The following SUN1 variants were observed in gnomAD, a reference collection of about 807,000 sequenced individuals.
SUN1 encodes the protein Sad1 and UNC84 domain containing 1.
SUN1 carries 61 observed loss-of-function variants against 103.2 expected under a neutral mutation model. The observed-to-expected ratio is 0.59, with a 90% CI of 0.48 to 0.73. The LOEUF is 0.73. Ranked by LOEUF, SUN1 falls within the 30% of genes least tolerant of loss-of-function variation. The probability of loss-of-function intolerance (pLI) is 0.00; values close to 1 mark genes in which losing one functional copy is unlikely to be tolerated. For synonymous variants in SUN1, 490 were observed against 425.7 expected (o/e 1.15, Z -1.86); for missense variants, 1,052 against 1,034.6 (o/e 1.02, Z -0.23).
chr7:861,370 G>T lies in SUN1; in HGVS notation c.1780-10G>T. Reference sequence around the variant, plus strand: ...TGGTGTTTGGTCTTCCGTCCCTCGTGTCTGTCCAGCAAGCACGTGCCATCG... The same window carrying T: ...TGGTGTTTGGTCTTCCGTCCCTCGTTTCTGTCCAGCAAGCACGTGCCATCG... On this transcript the variant is annotated splice_polypyrimidine_tract_variant and intron_variant, in intron 14 of 18. Coordinates refer to ENST00000401592, the MANE Select transcript of SUN1 (RefSeq NM_001130965.3). 1.9e-6 allele frequency: 3 copies of T among 1,614,154 alleles called. No homozygotes were observed. Among genetic ancestry groups the T allele is most frequent in the East Asian group, 2.2e-5 (1 of 44,892 alleles).
intron 15 of SUN1, among the ~76,000 whole-genome samples, chr7:864,718 T>C (rs1345400420): frequency 3.6e-5 from 1 of 28,030 alleles, no homozygotes; most frequent in African/African-American, 1.1e-4. Context: ...AACCTCTGCC[T>C]CCCGGCTTCA....
At chr7:816,741 G>A (rs1249473228) in intron 1 of SUN1, 4 of 147,226 alleles carry the variant, frequency 2.7e-5, no homozygotes, top group Admixed American at 2.7e-4. Context: ...ACGCGAGGCG[G>A]GGGCCCGGGG....
rs1822599562 is a variant in SUN1, at chr7:851,934, G to A, written c.758-16G>A. ...TAAAAACATTTCCTTAGAATGTTTG[G>A]TGTTTTCTCTTGTAGGGAAGGCAGC... On this transcript the variant is annotated splice_polypyrimidine_tract_variant and intron_variant, in intron 6 of 18. Coordinates refer to ENST00000401592, the MANE Select transcript of SUN1 (RefSeq NM_001130965.3). 6.2e-7 allele frequency: 1 copy of A among 1,612,414 alleles called. No individual in the cohort carries two copies. The highest frequency in any genetic ancestry group is 1.3e-5 in the African/African-American group (1 of 74,838).
intron 1 of SUN1, among the ~76,000 whole-genome samples, chr7:835,874 A>G (rs780846948): frequency 6.6e-6 from 1 of 152,352 alleles, no homozygotes; most frequent in Non-Finnish European, 1.5e-5. Context: ...GGCTGGAGAC[A>G]TGAGGGTCCC....
At chr7:835,858 CA>C (rs747680352) in intron 1 of SUN1, among the ~76,000 whole-genome samples, 40 of 152,310 alleles carry the variant, frequency 2.6e-4, no homozygotes, top group Non-Finnish European at 3.5e-4. Context: ...TGCTCAGATC[CA>C]GGGGGGCTGG....
intron 15 of SUN1, among the ~76,000 whole-genome samples, chr7:864,785 C>T (rs377356595): frequency 2.0e-4 from 31 of 152,162 alleles, no homozygotes; most frequent in East Asian, 9.7e-4. Flanking sequence ...CGCGTCACCA[C>T]GCCCGGCTAA....
In SUN1 at chr7:852,616, C is replaced by A; in HGVS notation, c.859C>A (p.Arg287=). Residue 287 remains arginine, a synonymous_variant, in exon 8 of 19, where the codon CGA becomes AGA. Transcript: ENST00000401592. Reference sequence around the variant, plus strand: ...TTTCATTGTTACTCCCAGGTGCCTTCGAAACATCTGCAAGTTTTTAGTCTT... The same window carrying A: ...TTTCATTGTTACTCCCAGGTGCCTTAGAAACATCTGCAAGTTTTTAGTCTT... ...LNVFLLTRCL[R]NICKFLVLLI... 1.9e-6 allele frequency: 3 copies of A among 1,614,184 alleles called. No individual in the cohort carries two copies. The highest frequency in any genetic ancestry group is 1.7e-6 in the Non-Finnish European group (2 of 1,180,026).
chr7:849,792 T>A (rs1168572005), intron 5 of SUN1: 1 of 1,170,736 alleles, frequency 8.5e-7, no homozygotes, highest in African/African-American at 1.5e-5. Flanking sequence ...TCGCATTTGC[T>A]TTGATTGTTG....
chr7:870,465 C>T (rs1037301580), intron 17 of SUN1, among the ~76,000 whole-genome samples: 10 of 151,740 alleles, frequency 6.6e-5, no homozygotes, highest in African/African-American at 2.2e-4. Context: ...GCGTGCCTGT[C>T]ATCCCAGCTA....
intron 18 of SUN1, 48 bp from the exon 19 acceptor site, chr7:873,167 G>T (rs1842881720): frequency 1.3e-6 from 2 of 1,543,390 alleles, no homozygotes; most frequent in Non-Finnish European, 1.8e-6. Context: ...TGGACTTGGG[G>T]TTATTAATAT....
intron 3 of SUN1, chr7:842,515 T>G (rs1030927795): frequency 4.7e-6 from 1 of 213,122 alleles, no homozygotes; most frequent in African/African-American, 2.4e-5. Context: ...AAAACTTCAG[T>G]GTGTTTCCAA....
chr7:840,020 C>T (rs1807699704), intron 2 of SUN1, among the ~76,000 whole-genome samples: 1 of 152,190 alleles, frequency 6.6e-6, no homozygotes, highest in Non-Finnish European at 1.5e-5. Context: ...GATCTTTGTG[C>T]CATTTAGGGA....
intron 3 of SUN1, 61 bp downstream of exon 3, chr7:842,191 T>TG: frequency 1.3e-6 from 2 of 1,569,880 alleles, no homozygotes; most frequent in Non-Finnish European, 1.7e-6. Context: ...CAGATTATGC[T>TG]GGGGAGAGGG....
upstream of SUN1, among the ~76,000 whole-genome samples, chr7:831,329 T>C (rs1358953549): frequency 6.7e-6 from 1 of 150,006 alleles, no homozygotes; most frequent in East Asian, 2.0e-4. Flanking sequence ...TGGCGTACAG[T>C]GGTACGATCT....
At chr7:835,045 C>T (rs1028355105) in intron 1 of SUN1, among the ~76,000 whole-genome samples, 2 of 152,214 alleles carry the variant, frequency 1.3e-5, no homozygotes, top group Non-Finnish European at 2.9e-5. Context: ...CACTGCAGTC[C>T]AGCCTGGGAG....
At position 842,039 on chromosome 7, in the gene SUN1, C is replaced by T. The variant is rs1250593379; in HGVS notation, c.360C>T (p.Gly120=). 6.2e-7 allele frequency: 1 copy of T among 1,614,214 alleles called. No homozygotes were observed. Among genetic ancestry groups the T allele is most frequent in the South Asian group, 1.1e-5 (1 of 91,084 alleles). Reference sequence around the variant, plus strand: ...CGTCCTCTGGCGTCAGCCACGGCGGCACTGTCAGCCTGCAGGATGCTGTGA... The same window carrying T: ...CGTCCTCTGGCGTCAGCCACGGCGGTACTGTCAGCCTGCAGGATGCTGTGA... ...QVTSSGVSHG[G]TVSLQDAVTR... Residue 120 remains glycine (G), a synonymous_variant, in exon 3 of 19, where the codon GGC becomes GGT. Transcript: ENST00000401592.
chr7:863,294 T>G (rs6957617), intron 15 of SUN1, among the ~76,000 whole-genome samples: 22,440 of 98,612 alleles, frequency 0.23, 3,210 homozygotes, highest in East Asian at 0.33. Flanking sequence ...CCTCCCGAGC[T>G]CGCCCTTGCT....
At chr7:835,450 G>A (rs994979190) in intron 1 of SUN1, among the ~76,000 whole-genome samples, 2 of 152,240 alleles carry the variant, frequency 1.3e-5, no homozygotes, top group Non-Finnish European at 1.5e-5. Context: ...TATTTAGTCA[G>A]TGTTCCAATA....
At chr7:869,138 A>T in intron 16 of SUN1, 58 of 574,832 alleles carry the variant, frequency 1.0e-4, no homozygotes, top group East Asian at 1.5e-4. Flanking sequence ...TGGTCGTTTT[A>T]ACTTTTATAC....
Sources: gnomAD v4.1 joint callset for allele counts (sites outside exome capture counted in the v4.1 genomes callset) on GRCh38, gnomAD v4.1.1 for gene constraint, MANE v1.5 for transcripts, NCBI Gene and HGNC (gene_info 2026-07-23, HGNC 2026-07-21) for gene names.